Variants in BIN3 observed in about 807,000 individuals in gnomAD.
BIN3 encodes bridging integrator 3.
BIN3 carries 41 observed loss-of-function variants against 38.2 expected under a neutral mutation model. The observed-to-expected ratio is 1.07, with a 90% confidence interval of 0.84 to 1.39. The LOEUF is 1.39. BIN3 is among the 40% of genes most tolerant of loss of function. The pLI, the probability that BIN3 is intolerant of heterozygous loss-of-function variation, is 0.00. For synonymous variants in BIN3, 145 were observed against 122.6 expected (o/e 1.18, Z -1.21); for missense variants, 361 against 324.3 (o/e 1.11, Z -0.87).
Position 22,621,506 on chromosome 8 carries a change from T to G in BIN3, c.678A>C (p.Pro226=). Residue 226 remains proline (P), a synonymous_variant, in exon 9 of 9, where the codon CCA becomes CCC. Transcript: ENST00000276416. The part of the protein sequence containing the change: ...FGDLSHQLDQ[P]GHSDEQRERE... ...GCTCCCGCTGCTCATCGGAGTGGCC[T>G]GGCTGGTCAAGCTGATGGGACAGGT... 1 of 1,613,940 alleles carries G rather than the reference T, an allele frequency of 6.2e-7. No homozygotes were observed. Among genetic ancestry groups the G allele is most frequent in the Non-Finnish European group, 8.5e-7 (1 of 1,179,892 alleles).
At chr8:22,623,737 G>C (rs1327875314) in intron 8 of BIN3, among the ~76,000 whole-genome samples, 178 bp downstream of exon 8, 3 of 152,224 alleles carry the variant, frequency 2.0e-5, no homozygotes, top group Non-Finnish European at 4.4e-5. Context: ...CAGCAGACAG[G>C]TCCCCCAAGT....
rs73212806 is a variant in BIN3, at chr8:22,669,096, G to T, written c.-45C>A. On this transcript the variant is annotated 5_prime_UTR_variant, in exon 1 of 9. Coordinates refer to ENST00000276416, the MANE Select transcript of BIN3 (RefSeq NM_018688.6). Reference sequence around the variant, plus strand: ...CCGCCGGGGTCCTCAGCCACAACTCGTTTCTCTAGGGTCACTTCCGGATTC... The same window carrying T: ...CCGCCGGGGTCCTCAGCCACAACTCTTTTCTCTAGGGTCACTTCCGGATTC... The T allele has an allele frequency of 3.2e-6, 5 of 1,580,410 alleles. No homozygotes were observed. The highest frequency in any genetic ancestry group is 1.2e-5 in the South Asian group (1 of 86,462).
intron 1 of BIN3, among the ~76,000 whole-genome samples, chr8:22,654,657 ACTTCATCCTTTT>A (rs1340344454): frequency 6.6e-6 from 1 of 152,200 alleles, no homozygotes; most frequent in East Asian, 1.9e-4. Context: ...ATATATCAGT[ACTTCATCCTTTT>A]ATTTTTTTAA....
chr8:22,651,990 T>TG (rs1385379463), intron 1 of BIN3, among the ~76,000 whole-genome samples: 6 of 151,708 alleles, frequency 4.0e-5, no homozygotes, highest in Non-Finnish European at 8.8e-5. Flanking sequence ...CTACCAAGTT[T>TG]TTTTTTTTTT....
chr8:22,628,404 G>A (rs950292438), intron 6 of BIN3, among the ~76,000 whole-genome samples: 7 of 152,212 alleles, frequency 4.6e-5, no homozygotes, highest in Admixed American at 2.0e-4. Flanking sequence ...TGTAGGCTGC[G>A]CGGTTTTATG....
intron 1 of BIN3, among the ~76,000 whole-genome samples, chr8:22,648,403 G>A (rs758417342): frequency 1.3e-5 from 2 of 149,850 alleles, no homozygotes; most frequent in Non-Finnish European, 3.0e-5. Context: ...GGCTGTGACA[G>A]TTCCTAAATC....
chr8:22,668,832 G>A (rs1480575230), intron 1 of BIN3, among the ~76,000 whole-genome samples: 1 of 152,244 alleles, frequency 6.6e-6, no homozygotes, highest in Admixed American at 6.5e-5. Flanking sequence ...AGGCTAAGAG[G>A]ATCATCCGCC....
chr8:22,668,195 C>G (rs1803488962), intron 1 of BIN3, among the ~76,000 whole-genome samples: 1 of 152,062 alleles, frequency 6.6e-6, no homozygotes, highest in Non-Finnish European at 1.5e-5. Context: ...CTAAGAAAGC[C>G]CCAGGAAGGC....
intron 1 of BIN3, among the ~76,000 whole-genome samples, chr8:22,658,739 T>C (rs887274176): frequency 2.0e-5 from 3 of 152,178 alleles, no homozygotes; most frequent in Non-Finnish European, 2.9e-5. Context: ...CCCCACCCCT[T>C]ATCTTTCTGC....
chr8:22,629,290 T>C (rs1802103217), intron 6 of BIN3, among the ~76,000 whole-genome samples: 1 of 152,086 alleles, frequency 6.6e-6, no homozygotes, highest in African/African-American at 2.4e-5. Context: ...AGGAGCTTTC[T>C]AGGTCACAGC....
At chr8:22,640,652 G>T (rs909678278) in intron 2 of BIN3, among the ~76,000 whole-genome samples, 1 of 152,230 alleles carries the variant, frequency 6.6e-6, no homozygotes, top group African/African-American at 2.4e-5. Flanking sequence ...TGGGAGGGGT[G>T]CTGAGTGTTA....
chr8:22,637,911 C>A (rs1802424121), intron 2 of BIN3, among the ~76,000 whole-genome samples: 2 of 152,180 alleles, frequency 1.3e-5, no homozygotes, highest in Admixed American at 6.5e-5. Flanking sequence ...CACTCATCTC[C>A]AAGGCAGGTC....
At chr8:22,631,796 T>C (rs1474837955) in intron 4 of BIN3, among the ~76,000 whole-genome samples, 2 of 152,136 alleles carry the variant, frequency 1.3e-5, no homozygotes, top group South Asian at 2.1e-4. Flanking sequence ...GCTGGGCAGA[T>C]GGGAAGCCTG....
intron 4 of BIN3, among the ~76,000 whole-genome samples, chr8:22,635,040 C>T (rs1394695152): frequency 6.6e-6 from 1 of 152,136 alleles, no homozygotes. Context: ...GATGGCTTCT[C>T]CACCCTCCTG....
chr8:22,659,927 C>T (rs1364394685), intron 1 of BIN3, among the ~76,000 whole-genome samples: 2 of 152,136 alleles, frequency 1.3e-5, no homozygotes, highest in Non-Finnish European at 2.9e-5. Context: ...GACGACCAAC[C>T]AGGTCCAGAA....
Position 22,640,957 on chromosome 8 carries a change from T to G in BIN3, c.57+3798A>C, listed in dbSNP as rs3735898. Among the ~76,000 whole-genome samples the G allele has an allele frequency of 9.8e-5, 15 of 152,300 alleles. No individual in the cohort carries two copies. The East Asian group carries it at 2.9e-3, about 29-fold the overall frequency. The stretch of plus-strand genomic sequence containing the variant: ...GAGTTTGGACACATTTCACCTCCCC[T>G]GCTTCCAGCGGCCGGGGTGGGTTGC... On this transcript the variant is annotated intron_variant, in intron 2 of 8. Coordinates refer to ENST00000276416, the MANE Select transcript of BIN3 (RefSeq NM_018688.6).
chr8:22,654,488 C>A (rs1802998080), intron 1 of BIN3, among the ~76,000 whole-genome samples: 1 of 152,076 alleles, frequency 6.6e-6, no homozygotes, highest in African/African-American at 2.4e-5. Flanking sequence ...TATTAGCAAA[C>A]AACTCCCCTC....
At chr8:22,637,015 A>T in intron 2 of BIN3, 53 bp from the exon 3 acceptor site, 1 of 1,547,628 alleles carries the variant, frequency 6.5e-7, no homozygotes, top group Non-Finnish European at 8.9e-7. Flanking sequence ...ACGGTGGAAA[A>T]AACCTCCCAG....
intron 1 of BIN3, among the ~76,000 whole-genome samples, chr8:22,650,591 T>G (rs1802859965): frequency 6.6e-6 from 1 of 152,196 alleles, no homozygotes; most frequent in Non-Finnish European, 1.5e-5. Context: ...GTGCACAGTC[T>G]AATAAGGCAA....
Sources: gnomAD v4.1 joint callset for allele counts (sites outside exome capture counted in the v4.1 genomes callset) on GRCh38, gnomAD v4.1.1 for gene constraint, MANE v1.5 for transcripts, NCBI Gene and HGNC (gene_info 2026-07-23, HGNC 2026-07-21) for gene names.